ROBO2: variants seen among roughly 807,000 people sequenced by gnomAD.
ROBO2 encodes the protein roundabout guidance receptor 2.
A neutral mutation model predicts 160.8 loss-of-function variants in ROBO2; 53 were observed. That is an observed-to-expected ratio of 0.33 (90% CI 0.26 to 0.41). The LOEUF (loss-of-function observed/expected upper bound fraction) is 0.41, where lower values mean the gene tolerates loss of function less well. Among genes scored for constraint, ROBO2 ranks in the 10% least tolerant of loss-of-function variants. The probability of loss-of-function intolerance (pLI) is 1.00; values close to 1 mark genes in which losing one functional copy is unlikely to be tolerated. For missense variants in ROBO2, 1,577 were observed against 1,722.4 expected (o/e 0.92, Z 1.49); for synonymous variants, 664 against 611.7 (o/e 1.09, Z -1.26).
chr3:76,218,859 A>G (rs1490323869), intron 2 of ROBO2, among the ~76,000 whole-genome samples: 7 of 152,220 alleles, frequency 4.6e-5, no homozygotes, highest in Middle Eastern at 3.2e-3. Context: ...CGCCAAGTCA[A>G]TCCTAAGCCA....
intron 2 of ROBO2, among the ~76,000 whole-genome samples, chr3:76,141,393 G>A (rs773408807): frequency 3.3e-4 from 50 of 149,772 alleles, no homozygotes; most frequent in South Asian, 1.7e-3. Flanking sequence ...TCAGCATCAC[G>A]CAATATACCC....
At chr3:76,915,862 G>T (rs940639542) in intron 2 of ROBO2, among the ~76,000 whole-genome samples, 5 of 152,168 alleles carry the variant, frequency 3.3e-5, no homozygotes, top group Admixed American at 6.5e-5. Flanking sequence ...GGATCAAGGC[G>T]CCAGCAAATC....
chr3:77,436,289 A>G (rs1278661359), intron 2 of ROBO2, among the ~76,000 whole-genome samples: 1 of 151,560 alleles, frequency 6.6e-6, no homozygotes, highest in African/African-American at 2.4e-5. Flanking sequence ...GTCGAATAAA[A>G]TTTAATATAC....
At chr3:77,460,873 T>C (rs1296220319) in intron 2 of ROBO2, among the ~76,000 whole-genome samples, 1 of 152,176 alleles carries the variant, frequency 6.6e-6, no homozygotes, top group Admixed American at 6.5e-5. Flanking sequence ...CATCTGATTC[T>C]TCAGTCTTAT....
intron 2 of ROBO2, among the ~76,000 whole-genome samples, chr3:76,555,362 AGAAG>A (rs1483251554): frequency 1.6e-4 from 8 of 50,474 alleles, no homozygotes; most frequent in African/African-American, 3.9e-4. Flanking sequence ...GGAAGAGAGA[AGAAG>A]AAGAAGAAGA....
intron 2 of ROBO2, among the ~76,000 whole-genome samples, chr3:76,326,455 C>A (rs974394781): frequency 6.6e-6 from 1 of 151,880 alleles, no homozygotes; most frequent in African/African-American, 2.4e-5. Flanking sequence ...TGTATACATA[C>A]CATGTACATA....
intron 2 of ROBO2, among the ~76,000 whole-genome samples, chr3:76,800,285 A>T (rs975002085): frequency 2.0e-5 from 3 of 152,202 alleles, no homozygotes; most frequent in Non-Finnish European, 4.4e-5. Context: ...AAACATTAGG[A>T]AGACTCTTCA....
At chr3:77,307,980 G>T (rs1392452503) in intron 2 of ROBO2, among the ~76,000 whole-genome samples, 1 of 151,826 alleles carries the variant, frequency 6.6e-6, no homozygotes, top group Non-Finnish European at 1.5e-5. Flanking sequence ...AAAAGTAGGA[G>T]TAGGGATGTT....
intron 21 of ROBO2, among the ~76,000 whole-genome samples, chr3:77,616,340 G>T (rs1483151093): frequency 6.7e-6 from 1 of 149,812 alleles, no homozygotes; most frequent in Non-Finnish European, 1.5e-5. Flanking sequence ...AGACTAGGAT[G>T]GGTTTTTTAG....
intron 2 of ROBO2, among the ~76,000 whole-genome samples, chr3:76,022,885 T>C (rs765064172): frequency 2.4e-4 from 36 of 151,768 alleles, no homozygotes; most frequent in Non-Finnish European, 7.4e-5. Context: ...ATGAATGTCC[T>C]AGACAGCATT....
chr3:76,726,096 GTTAA>G (rs1026902232), intron 2 of ROBO2, among the ~76,000 whole-genome samples: 2 of 152,100 alleles, frequency 1.3e-5, no homozygotes, highest in Non-Finnish European at 2.9e-5. Context: ...TTTTTTCTTA[GTTAA>G]TTAAAGTAAA....
chr3:77,531,309 T>G (rs1436124007), intron 6 of ROBO2, among the ~76,000 whole-genome samples: 1 of 152,004 alleles, frequency 6.6e-6, no homozygotes, highest in Non-Finnish European at 1.5e-5. Context: ...TTAGAAGTAA[T>G]AAGAAGTACA....
chr3:76,555,332 G>C (rs1485802207), intron 2 of ROBO2, among the ~76,000 whole-genome samples: 2 of 123,016 alleles, frequency 1.6e-5, no homozygotes, highest in African/African-American at 5.7e-5. Context: ...AAAAGAAGAA[G>C]AGGAAGAGGA....
intron 2 of ROBO2, among the ~76,000 whole-genome samples, chr3:76,007,301 T>G (rs968717153): frequency 1.3e-5 from 2 of 152,118 alleles, no homozygotes; most frequent in Non-Finnish European, 2.9e-5. Flanking sequence ...CTTTTAGCAC[T>G]TTTTTTGTAT....
At chr3:76,411,571 C>G (rs1264663554) in intron 2 of ROBO2, among the ~76,000 whole-genome samples, 3 of 152,042 alleles carry the variant, frequency 2.0e-5, no homozygotes, top group Non-Finnish European at 4.4e-5. Flanking sequence ...GTTCTTCAGA[C>G]AAAATGCCTT....
intron 4 of ROBO2, among the ~76,000 whole-genome samples, chr3:77,485,144 C>T (rs1225879721): frequency 2.6e-5 from 4 of 152,058 alleles, no homozygotes; most frequent in Non-Finnish European, 5.9e-5. Flanking sequence ...TTTCTGCATC[C>T]TATGTTTGTT....
intron 6 of ROBO2, among the ~76,000 whole-genome samples, 198 bp downstream of exon 6, chr3:77,523,100 T>C (rs1165635686): frequency 2.0e-5 from 3 of 151,380 alleles, no homozygotes; most frequent in Non-Finnish European, 4.4e-5. Context: ...TTTAAAAAGA[T>C]TAATTCTTAT....
At chr3:77,199,666 C>T (rs1358619732) in intron 2 of ROBO2, among the ~76,000 whole-genome samples, 2 of 142,922 alleles carry the variant, frequency 1.4e-5, no homozygotes, top group Non-Finnish European at 3.0e-5. Context: ...ACTGTCTCCT[C>T]AGGTCTGAGT....
intron 2 of ROBO2, among the ~76,000 whole-genome samples, chr3:76,998,160 C>A (rs9875709): frequency 0.51 from 77,459 of 151,884 alleles, 20,356 homozygotes; most frequent in East Asian, 0.8. Context: ...TGACACAGTA[C>A]ATAGTTATTA....
Sources: allele counts gnomAD v4.1 joint callset (sites outside exome capture counted in the v4.1 genomes callset), GRCh38; gene constraint gnomAD v4.1.1; transcripts MANE v1.5; gene names NCBI Gene and HGNC (gene_info 2026-07-23, HGNC 2026-07-21).